Variants in VTI1A observed in about 807,000 individuals in gnomAD.
The protein encoded by VTI1A is vesicle transport through interaction with t-SNAREs 1A.
In VTI1A, 22 loss-of-function variants were observed where a neutral mutation model predicts 34.9. The observed-to-expected ratio is 0.63, with a 90% CI of 0.45 to 0.90. The LOEUF (loss-of-function observed/expected upper bound fraction) is 0.90, where lower values mean the gene tolerates loss of function less well. VTI1A is among the 40% of genes least tolerant of loss of function. The pLI is 0.00. For synonymous variants in VTI1A, 87 were observed against 97.3 expected (o/e 0.89, Z 0.62); for missense variants, 268 against 275.6 (o/e 0.97, Z 0.20).
chr10:112,782,720 A>T (rs754027160), intron 7 of VTI1A, among the ~76,000 whole-genome samples: 7 of 151,828 alleles, frequency 4.6e-5, no homozygotes, highest in Admixed American at 3.3e-4. Flanking sequence ...ACTGCTAGGG[A>T]GTGTTTGCTA....
At chr10:112,787,648 A>G (rs184867117) in intron 7 of VTI1A, among the ~76,000 whole-genome samples, 4 of 145,872 alleles carry the variant, frequency 2.7e-5, no homozygotes, top group East Asian at 2.0e-4. Context: ...TTACTCAATT[A>G]TCTAATACTT....
chr10:112,813,803 A>G (rs1853408190), intron 7 of VTI1A, among the ~76,000 whole-genome samples: 1 of 152,206 alleles, frequency 6.6e-6, no homozygotes. Flanking sequence ...GAAGAACTAA[A>G]CGAGACAGAT....
chr10:112,584,927 AT>A (rs372308741), intron 5 of VTI1A, among the ~76,000 whole-genome samples: 1 of 152,300 alleles, frequency 6.6e-6, no homozygotes, highest in African/African-American at 2.4e-5. Flanking sequence ...ACCATGATGT[AT>A]TTAGAATGTT....
chr10:112,681,754 T>C (rs1052062338), intron 7 of VTI1A, among the ~76,000 whole-genome samples: 18 of 152,336 alleles, frequency 1.2e-4, no homozygotes, highest in Non-Finnish European at 2.5e-4. Flanking sequence ...TATTAAAAAG[T>C]TCATTTTAAA....
intron 7 of VTI1A, among the ~76,000 whole-genome samples, chr10:112,730,251 CT>C (rs1242431966): frequency 2.6e-5 from 4 of 152,170 alleles, no homozygotes; most frequent in Non-Finnish European, 5.9e-5. Context: ...TGTGACCCTC[CT>C]TCCTCTGCAT....
At chr10:112,720,791 A>G (rs1849777029) in intron 7 of VTI1A, among the ~76,000 whole-genome samples, 1 of 152,188 alleles carries the variant, frequency 6.6e-6, no homozygotes, top group Non-Finnish European at 1.5e-5. Flanking sequence ...CAGCTTGTCT[A>G]ATTAACTCAT....
rs1380103080 is a variant in VTI1A at position 112,816,256 on chromosome 10, C to T, written c.*873C>T. 1 of 215,100 alleles carries T rather than the reference C, an allele frequency of 4.6e-6. No individual in the cohort carries two copies. The highest frequency in any genetic ancestry group is 2.3e-5 in the African/African-American group (1 of 44,348). 13.3% of individuals were successfully genotyped at this position (215,100 alleles called of 1,614,324 possible). A position where few individuals can be genotyped will look rare whatever the true frequency, so the allele number is the denominator to read the frequency against. On this transcript the variant is annotated 3_prime_UTR_variant, in exon 8 of 8. Transcript: ENST00000393077. ...GCAAAAGGTCTGACAAGGTTCTCTCCACATACATTCCAGTATGTAAAGAGA... is the reference window on the plus strand; with the variant it reads ...GCAAAAGGTCTGACAAGGTTCTCTCTACATACATTCCAGTATGTAAAGAGA...
At chr10:112,660,579 A>G (rs1847410295) in intron 5 of VTI1A, among the ~76,000 whole-genome samples, 1 of 152,236 alleles carries the variant, frequency 6.6e-6, no homozygotes, top group Admixed American at 6.5e-5. Flanking sequence ...AGATCATTTT[A>G]GAGTTGGTTG....
intron 5 of VTI1A, among the ~76,000 whole-genome samples, chr10:112,628,708 G>A (rs1564856080): frequency 6.6e-6 from 1 of 151,792 alleles, no homozygotes; most frequent in African/African-American, 2.4e-5. Flanking sequence ...CTGCTTTACG[G>A]TTTTCTTTAT....
rs567102905 is a variant in VTI1A at position 112,761,045 on chromosome 10, G to A, written c.561-54245G>A. ...AGTGATAATTGAACCAATTATATAC[G>A]TGAGCATTTAACTTTTTTTATTTTC... On this transcript the variant is annotated intron_variant, in intron 7 of 7. Transcript: ENST00000393077. 1.1e-4 allele frequency among the ~76,000 whole-genome samples: 16 copies of A among 152,194 alleles called. 1 individual carries two copies. The highest frequency in any genetic ancestry group is 1.9e-4 in the East Asian group (1 of 5,182).
intron 3 of VTI1A, among the ~76,000 whole-genome samples, chr10:112,518,547 TTCTCTCTCTCTCTC>T (rs57853028): frequency 0.01 from 1,044 of 101,488 alleles, 16 homozygotes; most frequent in African/African-American, 0.035. Flanking sequence ...TCATATCTCT[TTCTCTCTCTCTCTC>T]TCTCTCTCTC....
At chr10:112,713,483 C>T (rs903030530) in intron 7 of VTI1A, among the ~76,000 whole-genome samples, 32 of 152,032 alleles carry the variant, frequency 2.1e-4, no homozygotes, top group African/African-American at 7.2e-4. Context: ...TTTTCTTTTA[C>T]CGATGAGGAA....
chr10:112,760,273 G>C (rs1407121610), intron 7 of VTI1A, among the ~76,000 whole-genome samples: 4 of 152,100 alleles, frequency 2.6e-5, no homozygotes, highest in African/African-American at 7.2e-5. Flanking sequence ...CTTTGATAAA[G>C]TGTAATTTAT....
intron 5 of VTI1A, among the ~76,000 whole-genome samples, chr10:112,603,793 C>G (rs1844971114): frequency 6.6e-6 from 1 of 152,144 alleles, no homozygotes; most frequent in South Asian, 2.1e-4. Context: ...TCCCCATCCC[C>G]CACCCCACCC....
chr10:112,593,982 T>C (rs1408615626), intron 5 of VTI1A, among the ~76,000 whole-genome samples: 3 of 152,108 alleles, frequency 2.0e-5, no homozygotes, highest in African/African-American at 7.2e-5. Flanking sequence ...CTATCTCAGC[T>C]CACTGCAAGC....
rs530963688 is a variant in VTI1A at position 112,650,971 on chromosome 10, A to G, written c.428-17247A>G. Reference sequence around the variant, plus strand: ...ATGACTGATTGCTTTGATAAGTTACATAAGTTATTTTTCACAGTCTTTATT... The same window carrying G: ...ATGACTGATTGCTTTGATAAGTTACGTAAGTTATTTTTCACAGTCTTTATT... On this transcript the variant is annotated intron_variant, in intron 5 of 7. Transcript: ENST00000393077. Among the ~76,000 whole-genome samples, 24 of 152,324 alleles carry G rather than the reference A, an allele frequency of 1.6e-4. No homozygotes were observed. The East Asian group carries it at 3.5e-3, about 22-fold the overall frequency.
intron 7 of VTI1A, chr10:112,672,731 T>C (rs892126252): frequency 4.6e-5 from 7 of 152,210 alleles, no homozygotes; most frequent in Admixed American, 4.6e-4. Context: ...TTCTATACCT[T>C]TGAGCAGAAA....
In VTI1A at chr10:112,460,516, T is replaced by C; in HGVS notation, c.95-8T>C. 1 of 1,600,092 alleles carries C rather than the reference T, an allele frequency of 6.2e-7. No homozygotes were observed. The highest frequency in any genetic ancestry group is 8.5e-7 in the Non-Finnish European group (1 of 1,175,820). The stretch of plus-strand genomic sequence containing the variant: ...TTAGCAATTTCTTGGTATTATTGTT[T>C]GTTTCAGATGAAAAGAAACAGATGG... On this transcript the variant is annotated splice_region_variant and splice_polypyrimidine_tract_variant and intron_variant, in intron 1 of 7. Coordinates refer to ENST00000393077, the MANE Select transcript of VTI1A (RefSeq NM_145206.4).
At chr10:112,474,517 G>A (rs11195971) in intron 3 of VTI1A, among the ~76,000 whole-genome samples, 8,608 of 149,958 alleles carry the variant, frequency 0.057, 366 homozygotes, top group East Asian at 0.2. Context: ...GTACAGTGGT[G>A]CAATCACAGA....
Sources: allele counts gnomAD v4.1 joint callset (sites outside exome capture counted in the v4.1 genomes callset), GRCh38; gene constraint gnomAD v4.1.1; transcripts MANE v1.5; gene names NCBI Gene and HGNC (gene_info 2026-07-23, HGNC 2026-07-21).